Variants in HECTD4 observed in about 807,000 individuals in gnomAD.
The protein encoded by HECTD4 is probable E3 ubiquitin-protein ligase HECTD4.
A neutral mutation model predicts 471.5 loss-of-function variants in HECTD4; 114 were observed. The ratio of observed to expected loss-of-function variants is 0.24; its 90% CI spans 0.21 to 0.28. The LOEUF is 0.28. HECTD4 is among the 10% of genes least tolerant of loss of function. The pLI, the probability that HECTD4 is intolerant of heterozygous loss-of-function variation, is 1.00. For synonymous variants in HECTD4, 2,012 were observed against 2,256.0 expected, an observed-to-expected ratio of 0.89 and a Z score of 3.07; for missense variants, 3,866 against 5,651.5, an observed-to-expected ratio of 0.68 and a Z score of 10.13.
intron 7 of HECTD4, among the ~76,000 whole-genome samples, chr12:112,294,066 A>T (rs1277272025): frequency 6.6e-6 from 1 of 151,028 alleles, no homozygotes. Flanking sequence ...CACCTGGCTA[A>T]TTTTTTTTTA....
rs572957691 is a variant in HECTD4 at position 112,162,772 on chromosome 12, T to C, written c.13121-249A>G. Reference sequence around the variant, plus strand: ...TGTCTGCCCAGCAAATTGTTTCTTTTTTTTTTTTTTTAACCATTTTTCTGC... The same window carrying C: ...TGTCTGCCCAGCAAATTGTTTCTTTCTTTTTTTTTTTAACCATTTTTCTGC... On this transcript the variant is annotated intron_variant, in intron 75 of 75. Coordinates refer to ENST00000682272, the MANE Select transcript of HECTD4 (RefSeq NM_001388303.1). The surrounding 1 kb of genome is among the most constrained non-coding windows in gnomAD (Gnocchi z 5.2). 4 of 560,300 alleles carry C rather than the reference T, an allele frequency of 7.1e-6. No individual in the cohort carries two copies. The highest frequency in any genetic ancestry group is 5.9e-5 in the East Asian group (2 of 34,112). The allele number at this position is 560,300 out of a possible 1,614,324, so 34.7% of individuals were successfully genotyped here.
chr12:112,382,294 T>G lies in HECTD4; in HGVS notation c.-166A>C. The G allele has an allele frequency of 4.1e-5, 20 of 488,542 alleles. No individual in the cohort carries two copies. The highest frequency in any genetic ancestry group is 4.8e-5 in the East Asian group (1 of 20,986). The allele number at this position is 488,542 out of a possible 1,614,324, so 30.3% of individuals were successfully genotyped here. A position where few individuals can be genotyped will look rare whatever the true frequency, so the allele number is the denominator to read the frequency against. On this transcript the variant is annotated 5_prime_UTR_variant, in exon 1 of 76. An upstream start codon of the reference 5' UTR is lost. Coordinates refer to ENST00000682272, the MANE Select transcript of HECTD4 (RefSeq NM_001388303.1). ...CCGCCCTAGGCGGTCCGAGTCGCCA[T>G]ACCCCCGACCCCGGCCCGGGAGACC...
chr12:112,305,589 T>C (rs529781806), intron 7 of HECTD4, among the ~76,000 whole-genome samples: 13 of 152,262 alleles, frequency 8.5e-5, no homozygotes, highest in African/African-American at 2.6e-4. Context: ...CACATCACAT[T>C]TGGGCAAGAA....
At chr12:112,231,395 T>A (rs576121797) in intron 39 of HECTD4, 118 bp downstream of exon 39, 30 of 902,590 alleles carry the variant, frequency 3.3e-5, no homozygotes, top group Admixed American at 1.8e-4. Context: ...CTACAGCAGA[T>A]GGCGGCCTCA....
Position 112,216,921 on chromosome 12 carries a change from C to A in HECTD4, c.7237G>T (p.Ala2413Ser). Residue 2413 changes from alanine (A) to serine (S), a missense_variant and splice_region_variant, in exon 47 of 76, where the codon GCC becomes TCC. Ala to Ser is a moderately conservative substitution (Grantham distance 99). Around this residue, in one of 16 missense-constraint regions of HECTD4, gnomAD observed 617 missense variants for 915.1 expected, o/e 0.67. Transcript: ENST00000682272. Reference sequence around the variant, plus strand: ...TCAATTTCCCAGTAAAAAGACGGGGCCTGAAGAGATGCCAGAAGAGAGCAG... The same window carrying A: ...TCAATTTCCCAGTAAAAAGACGGGGACTGAAGAGATGCCAGAAGAGAGCAG... Reference protein sequence around the residue: ...IYATSPLPVQAPSFYWEIEIV... With the variant: ...IYATSPLPVQSPSFYWEIEIV... The A allele has an allele frequency of 6.2e-7, 1 of 1,613,558 alleles. No homozygotes were observed. Among genetic ancestry groups the A allele is most frequent in the Non-Finnish European group, 8.5e-7 (1 of 1,179,508 alleles).
Position 112,194,388 on chromosome 12 carries a change from C to A in HECTD4, c.8749+497G>T, listed in dbSNP as rs76780990. On this transcript the variant is annotated intron_variant, in intron 56 of 75. Transcript: ENST00000682272. The surrounding 1 kb of genome is among the most constrained non-coding windows in gnomAD (Gnocchi z 4.6). ...GATGCCAGGGGAAGACAGAAAGGGC[C>A]CCTGAGTCCTGGATAGTGCTGAGGG... is the stretch of plus-strand genomic sequence containing the variant. 9.1e-4 allele frequency among the ~76,000 whole-genome samples: 139 copies of A among 152,256 alleles called. 1 individual carries two copies. Among genetic ancestry groups the A allele is most frequent in the African/African-American group, 3.2e-3 (133 of 41,544 alleles).
chr12:112,367,807 G>T lies in HECTD4; in HGVS notation c.177+14145C>A, dbSNP rs199540218. On this transcript the variant is annotated intron_variant, in intron 1 of 75. Coordinates refer to ENST00000682272, the MANE Select transcript of HECTD4 (RefSeq NM_001388303.1). Reference sequence around the variant, plus strand: ...TTGCACTCCAGCCTGGGCAACAGAGGGAGACTCCATCTCAAAAAAAAAAAA... The same window carrying T: ...TTGCACTCCAGCCTGGGCAACAGAGTGAGACTCCATCTCAAAAAAAAAAAA... Among the ~76,000 whole-genome samples the T allele has an allele frequency of 5.5e-4, 72 of 130,482 alleles. 1 individual carries two copies. In the East Asian group the frequency reaches 0.018, roughly 33 times the overall value. The allele number at this position is 130,482 out of a possible 152,430, so 85.6% of individuals were successfully genotyped here.
intron 12 of HECTD4, 53 bp from the exon 13 acceptor site, chr12:112,269,902 A>G (rs2034377529): frequency 6.7e-7 from 1 of 1,497,942 alleles, no homozygotes; most frequent in South Asian, 1.2e-5. Context: ...TGGGGATAAA[A>G]TTATCTCTAC....
intron 1 of HECTD4, among the ~76,000 whole-genome samples, chr12:112,328,077 T>C (rs1024049789): frequency 3.3e-5 from 5 of 152,132 alleles, no homozygotes; most frequent in African/African-American, 1.2e-4. Flanking sequence ...TCAAAGGAGA[T>C]CGACTGGCTA....
Position 112,193,909 on chromosome 12 carries a change from G to A in HECTD4, c.8750-235C>T, listed in dbSNP as rs2032160034. ...TTGCTTTCTTTTCAGCTGTGAAACT[G>A]TTGCCTAAAATAAAATCTACACAGA... On this transcript the variant is annotated intron_variant, in intron 56 of 75. Coordinates refer to ENST00000682272, the MANE Select transcript of HECTD4 (RefSeq NM_001388303.1). The surrounding 1 kb of genome is among the most constrained non-coding windows in gnomAD (Gnocchi z 5.2). Among the ~76,000 whole-genome samples the A allele has an allele frequency of 6.6e-6, 1 of 151,832 alleles. No homozygotes were observed. Among genetic ancestry groups the A allele is most frequent in the South Asian group, 2.1e-4 (1 of 4,816 alleles).
At chr12:112,245,247 C>T (rs1003255610) in intron 29 of HECTD4, among the ~76,000 whole-genome samples, 1 of 152,210 alleles carries the variant, frequency 6.6e-6, no homozygotes, top group African/African-American at 2.4e-5. Flanking sequence ...AAGCGATCCT[C>T]CTGCCTTGGC....
chr12:112,177,639 C>T (rs2031502174), intron 64 of HECTD4, among the ~76,000 whole-genome samples: 1 of 152,202 alleles, frequency 6.6e-6, no homozygotes, highest in Non-Finnish European at 1.5e-5. Flanking sequence ...CTCGGCCTCC[C>T]AAAGTGCTGG....
chr12:112,335,844 G>A (rs2035947787), intron 1 of HECTD4, among the ~76,000 whole-genome samples: 3 of 152,198 alleles, frequency 2.0e-5, no homozygotes, highest in African/African-American at 7.2e-5. Context: ...AAATAAATAA[G>A]TGTTCTAGTT....
chr12:112,246,866 A>C, intron 29 of HECTD4, 35 bp downstream of exon 29: 1 of 1,588,546 alleles, frequency 6.3e-7, no homozygotes, highest in Non-Finnish European at 8.6e-7. Context: ...TGTTCATATA[A>C]CAGAAGCCGA....
intron 1 of HECTD4, among the ~76,000 whole-genome samples, chr12:112,323,726 C>T (rs1239467668): frequency 3.3e-5 from 5 of 151,496 alleles, no homozygotes; most frequent in Non-Finnish European, 5.9e-5. Flanking sequence ...GGAATTGTTC[C>T]CAGTTGTGGT....
rs2033682177 is a variant in HECTD4 at position 112,243,263 on chromosome 12, C to T, written c.4958+90G>A. ...TTTTAGAGGAAAACATTAGCAAATA[C>T]TACCGCCTATGTTTGGGTCCCAAGA... On this transcript the variant is annotated intron_variant, in intron 32 of 75. Transcript: ENST00000682272. The surrounding 1 kb of genome is among the most constrained non-coding windows in gnomAD (Gnocchi z 6.6). The T allele has an allele frequency of 2.6e-6, 3 of 1,146,100 alleles. No individual in the cohort carries two copies. Among genetic ancestry groups the T allele is most frequent in the Admixed American group, 2.7e-5 (1 of 37,646 alleles). The allele number at this position is 1,146,100 out of a possible 1,614,324, so 71.0% of individuals were successfully genotyped here.
At chr12:112,263,840 T>A (rs925646005) in intron 17 of HECTD4, among the ~76,000 whole-genome samples, 1 of 151,822 alleles carries the variant, frequency 6.6e-6, no homozygotes, top group East Asian at 1.9e-4. Flanking sequence ...TAAAAGAAGA[T>A]GGAAGTAAAC....
At chr12:112,199,455 G>T (rs1458560090) in intron 55 of HECTD4, among the ~76,000 whole-genome samples, 2 of 152,154 alleles carry the variant, frequency 1.3e-5, no homozygotes, top group Non-Finnish European at 2.9e-5. Context: ...ATGAGAGCTG[G>T]AGATACACTC....
chr12:112,170,376 G>A lies in HECTD4; in HGVS notation c.12009C>T (p.His4003=), dbSNP rs529313335. 31 of 1,613,878 alleles carry A rather than the reference G, an allele frequency of 1.9e-5. No individual in the cohort carries two copies. The highest frequency in any genetic ancestry group is 5.3e-5 in the African/African-American group (4 of 74,924). Residue 4003 remains histidine (H), a synonymous_variant, in exon 69 of 76, where the codon CAC becomes CAT. Transcript: ENST00000682272. ...GGTCCAAGGTGATCTCAGGGGCCGC[G>A]TGGTCCGCTGTCCTCTGCACAGTGG... ...LNATVQRTAD[H]AAPEITLDPL...
Sources: gnomAD v4.1 joint callset for allele counts (sites outside exome capture counted in the v4.1 genomes callset) on GRCh38, gnomAD v4.1.1 for gene constraint, gnomAD v4.1.1 regional missense constraint, Gnocchi (gnomAD v3.1) non-coding constraint, MANE v1.5 for transcripts, NCBI Gene and HGNC (gene_info 2026-07-23, HGNC 2026-07-21) for gene names.